Variants in DENND3 observed in about 807,000 individuals in gnomAD.
DENND3 encodes DENN domain-containing protein 3.
A neutral mutation model predicts 135.1 loss-of-function variants in DENND3; 88 were observed. The ratio of observed to expected loss-of-function variants is 0.65; its 90% CI spans 0.55 to 0.78. DENND3 has a LOEUF of 0.78. Ranked by LOEUF, DENND3 falls within the 30% of genes least tolerant of loss-of-function variation. DENND3 has a pLI of 0.00. For missense variants in DENND3, 1,392 were observed against 1,688.4 expected, an observed-to-expected ratio of 0.82 and a Z score of 3.08; for synonymous variants, 693 against 712.3, an observed-to-expected ratio of 0.97 and a Z score of 0.43.
At chr8:141,131,373 G>A (rs1239759275) in intron 1 of DENND3, among the ~76,000 whole-genome samples, 3 of 152,174 alleles carry the variant, frequency 2.0e-5, no homozygotes, top group Non-Finnish European at 1.5e-5. Flanking sequence ...CAGGTCACCC[G>A]CATAATTCTT....
chr8:141,155,437 T>C (rs1403969818), intron 7 of DENND3, among the ~76,000 whole-genome samples: 1 of 152,132 alleles, frequency 6.6e-6, no homozygotes, highest in Non-Finnish European at 1.5e-5. Context: ...AGGGTCTTGC[T>C]CTGTTGCCCA....
At chr8:141,171,987 G>A (rs2154613248) in intron 13 of DENND3, among the ~76,000 whole-genome samples, 1 of 150,624 alleles carries the variant, frequency 6.6e-6, no homozygotes, top group African/African-American at 2.4e-5. Flanking sequence ...GGGTGTGCAT[G>A]GTGGTGGCCG....
At chr8:141,132,489 C>G (rs1161308418) in intron 1 of DENND3, among the ~76,000 whole-genome samples, 1 of 152,082 alleles carries the variant, frequency 6.6e-6, no homozygotes, top group Non-Finnish European at 1.5e-5. Flanking sequence ...TCCCGAGTAG[C>G]TGGGATTACA....
At chr8:141,157,143 C>G (rs1819542349) in intron 8 of DENND3, among the ~76,000 whole-genome samples, 1 of 152,134 alleles carries the variant, frequency 6.6e-6, no homozygotes, top group African/African-American at 2.4e-5. Flanking sequence ...TGTTACTCAA[C>G]CTCATTGGCT....
chr8:141,183,515 C>T (rs1000117929), intron 17 of DENND3, among the ~76,000 whole-genome samples: 2 of 151,376 alleles, frequency 1.3e-5, no homozygotes, highest in African/African-American at 4.9e-5. Context: ...TTTTGGACTC[C>T]AAAGCGCTGG....
chr8:141,185,122 G>T lies in DENND3; in HGVS notation c.2945-17G>T. The T allele has an allele frequency of 6.2e-7, 1 of 1,607,702 alleles. No individual in the cohort carries two copies. Among genetic ancestry groups the T allele is most frequent in the Non-Finnish European group, 8.5e-7 (1 of 1,175,400 alleles). On this transcript the variant is annotated splice_polypyrimidine_tract_variant and intron_variant, in intron 17 of 22. Transcript: ENST00000519811. ...AAGTGTTTCCTCCTAACAGTTTTGTGCTGCTCTCCTCTTTAGGGCATCTTG... is the reference window on the plus strand; with the variant it reads ...AAGTGTTTCCTCCTAACAGTTTTGTTCTGCTCTCCTCTTTAGGGCATCTTG...
At chr8:141,189,965 A>C (rs1365501095) in intron 19 of DENND3, among the ~76,000 whole-genome samples, 1 of 152,150 alleles carries the variant, frequency 6.6e-6, no homozygotes, top group African/African-American at 2.4e-5. Context: ...TCATGGCTCT[A>C]TGACAACACC....
chr8:141,137,541 T>C lies in DENND3; in HGVS notation c.386-481T>C, dbSNP rs1223051722. ...CTCCCTTCCACCTCCCGTTTTCCGT[T>C]TCACTGGGGCAAGAAGCACAGGCCT... On this transcript the variant is annotated intron_variant, in intron 2 of 22. Coordinates refer to ENST00000519811, the MANE Select transcript of DENND3 (RefSeq NM_001352890.3). This position sits in a 1 kb window ranked among gnomAD's most constrained non-coding sequence, Gnocchi z 4.1. 6.6e-6 allele frequency among the ~76,000 whole-genome samples: 1 copy of C among 152,192 alleles called. No homozygotes were observed. The highest frequency in any genetic ancestry group is 6.5e-5 in the Admixed American group (1 of 15,282).
chr8:141,142,184 G>T (rs1817543173), intron 4 of DENND3: 3 of 339,376 alleles, frequency 8.8e-6, no homozygotes, highest in South Asian at 6.5e-5. Flanking sequence ...TTGTGATGTT[G>T]GGGGCTGTAG....
chr8:141,173,399 T>G (rs1022383678), intron 13 of DENND3: 3 of 152,240 alleles, frequency 2.0e-5, no homozygotes, highest in African/African-American at 7.2e-5. Context: ...CATAACCACC[T>G]GGTGCCTGCG....
intron 13 of DENND3, among the ~76,000 whole-genome samples, chr8:141,173,968 A>G (rs935337962): frequency 6.6e-6 from 1 of 152,232 alleles, no homozygotes; most frequent in Non-Finnish European, 1.5e-5. Flanking sequence ...TGGATACAGC[A>G]GTGCCATAAG....
chr8:141,195,741 T>G lies in DENND3; in HGVS notation c.*1508T>G, dbSNP rs1247493731. 5 of 152,248 alleles carry G rather than the reference T, an allele frequency of 3.3e-5. No individual in the cohort carries two copies. Among genetic ancestry groups the G allele is most frequent in the African/African-American group, 1.2e-4 (5 of 41,472 alleles). The allele number at this position is 152,248 out of a possible 1,614,324, so 9.4% of individuals were successfully genotyped here. ...AAAAATACATTTATAAATTATTTAA[T>G]GCCAGTCCTCATGTAACCTCAGGTA... On this transcript the variant is annotated 3_prime_UTR_variant, in exon 23 of 23. Transcript: ENST00000519811.
rs1817129656 is a variant in DENND3 at position 141,139,002 on chromosome 8, G to T, written c.501+865G>T. Among the ~76,000 whole-genome samples the T allele has an allele frequency of 6.6e-6, 1 of 152,174 alleles. No individual in the cohort carries two copies. Among genetic ancestry groups the T allele is most frequent in the South Asian group, 2.1e-4 (1 of 4,828 alleles). On this transcript the variant is annotated intron_variant, in intron 3 of 22. Coordinates refer to ENST00000519811, the MANE Select transcript of DENND3 (RefSeq NM_001352890.3). The surrounding 1 kb of genome is among the most constrained non-coding windows in gnomAD (Gnocchi z 4.2). Reference sequence around the variant, plus strand: ...TCACACATATTGGGAGTGTTGTCTGGGTAGGGCCGTGTGTGTGAATCAGTG... The same window carrying T: ...TCACACATATTGGGAGTGTTGTCTGTGTAGGGCCGTGTGTGTGAATCAGTG...
At chr8:141,173,592 C>T (rs1821934189) in intron 13 of DENND3, 1 of 152,260 alleles carries the variant, frequency 6.6e-6, no homozygotes, top group African/African-American at 2.4e-5. Flanking sequence ...CTGGACTCAA[C>T]TGTGGCCATG....
At chr8:141,148,399 G>A (rs751413173) in intron 5 of DENND3, among the ~76,000 whole-genome samples, 34 of 152,152 alleles carry the variant, frequency 2.2e-4, no homozygotes, top group Non-Finnish European at 4.3e-4. Flanking sequence ...CCCACTCTGC[G>A]CTCACCTGCC....
rs746700264 is a variant in DENND3 at position 141,128,949 on chromosome 8, G to C, written c.102+140G>C. 5.6e-5 allele frequency: 34 copies of C among 612,322 alleles called. No homozygotes were observed. Among genetic ancestry groups the C allele is most frequent in the Non-Finnish European group, 7.7e-5 (31 of 404,200 alleles). 37.9% of individuals were successfully genotyped at this position (612,322 alleles called of 1,614,324 possible). A position where few individuals can be genotyped will look rare whatever the true frequency, so the allele number is the denominator to read the frequency against. ...GTCCCGGTCCCCCGGCGGTGACCCC[G>C]CGCGCCTGTGGCCGGGGATCGCGCC... is the stretch of plus-strand genomic sequence containing the variant. On this transcript the variant is annotated intron_variant, in intron 1 of 22. Coordinates refer to ENST00000519811, the MANE Select transcript of DENND3 (RefSeq NM_001352890.3). This position sits in a 1 kb window ranked among gnomAD's most constrained non-coding sequence, Gnocchi z 4.5.
chr8:141,179,899 G>T (rs973661526), intron 16 of DENND3, among the ~76,000 whole-genome samples: 4 of 152,220 alleles, frequency 2.6e-5, no homozygotes, highest in African/African-American at 9.6e-5. Flanking sequence ...GGGACTGAGG[G>T]AGTCCTGGAC....
At position 141,174,606 on chromosome 8, in the gene DENND3, G is replaced by A. The variant is rs1441499810; in HGVS notation, c.2276-594G>A. 6.6e-6 allele frequency among the ~76,000 whole-genome samples: 1 copy of A among 152,216 alleles called. No individual in the cohort carries two copies. Among genetic ancestry groups the A allele is most frequent in the Non-Finnish European group, 1.5e-5 (1 of 68,034 alleles). Reference sequence around the variant, plus strand: ...GCTCCTCTGACTCCAGAGCCCGTGAGTGCTGGCCTCGTGGGAAGGTTACTG... The same window carrying A: ...GCTCCTCTGACTCCAGAGCCCGTGAATGCTGGCCTCGTGGGAAGGTTACTG... On this transcript the variant is annotated intron_variant, in intron 13 of 22. Coordinates refer to ENST00000519811, the MANE Select transcript of DENND3 (RefSeq NM_001352890.3). This position sits in a 1 kb window ranked among gnomAD's most constrained non-coding sequence, Gnocchi z 4.6.
In DENND3 at chr8:141,130,579, C is replaced by A. The variant is rs1334094176; in HGVS notation, c.102+1770C>A. ...AGGGGATGGATTCCATTTCTTGGAG[C>A]CATCCTACTTTTAAGGTCAATATTA... On this transcript the variant is annotated intron_variant, in intron 1 of 22. Coordinates refer to ENST00000519811, the MANE Select transcript of DENND3 (RefSeq NM_001352890.3). This position sits in a 1 kb window ranked among gnomAD's most constrained non-coding sequence, Gnocchi z 4.2. Among the ~76,000 whole-genome samples the A allele has an allele frequency of 6.6e-6, 1 of 152,074 alleles. No homozygotes were observed. Among genetic ancestry groups the A allele is most frequent in the Non-Finnish European group, 1.5e-5 (1 of 68,024 alleles).
Sources: gnomAD v4.1 joint callset for allele counts (sites outside exome capture counted in the v4.1 genomes callset) on GRCh38, gnomAD v4.1.1 for gene constraint, Gnocchi (gnomAD v3.1) non-coding constraint, MANE v1.5 for transcripts, NCBI Gene and HGNC (gene_info 2026-07-23, HGNC 2026-07-21) for gene names.